Variants in TMX4 observed in about 807,000 individuals in gnomAD.
TMX4 encodes the protein thioredoxin-related transmembrane protein 4.
A neutral mutation model predicts 33.3 loss-of-function variants in TMX4; 23 were observed. The observed-to-expected ratio is 0.69, with a 90% CI of 0.50 to 0.98. TMX4 has a LOEUF of 0.98. Among genes scored for constraint, TMX4 ranks in the 50% least tolerant of loss-of-function variants. TMX4 has a pLI of 0.00. For synonymous variants in TMX4, 164 were observed against 161.5 expected (o/e 1.02, Z -0.12); for missense variants, 399 against 448.9 (o/e 0.89, Z 1.01).
intron 2 of TMX4, among the ~76,000 whole-genome samples, chr20:8,009,112 A>G (rs1453181875): frequency 2.0e-5 from 3 of 152,154 alleles, no homozygotes; most frequent in South Asian, 2.1e-4. Context: ...TTGAATGTCA[A>G]TGAAAAAGAT....
rs2076016 is a variant in TMX4 at position 7,982,060 on chromosome 20, C to A, written c.*191G>T. ...CAACACTACGTTTGTTTTTCTATAT[C>A]CTGATTGTCACACCTGGAAGACTCT... On this transcript the variant is annotated 3_prime_UTR_variant, in exon 8 of 8. Transcript: ENST00000246024. 0.089 allele frequency: 54,236 copies of A among 609,728 alleles called. 6,326 individuals are homozygous for A. Among genetic ancestry groups the A allele is most frequent in the East Asian group, 0.53 (18,580 of 35,288 alleles). 37.8% of individuals were successfully genotyped at this position (609,728 alleles called of 1,614,324 possible).
intron 6 of TMX4, among the ~76,000 whole-genome samples, chr20:7,985,154 G>A (rs545788001): frequency 2.6e-5 from 4 of 151,436 alleles, no homozygotes; most frequent in African/African-American, 7.3e-5. Flanking sequence ...GAAATTAAAG[G>A]TTACTAAAAG....
intron 2 of TMX4, among the ~76,000 whole-genome samples, chr20:8,009,861 T>TAAAAAAAAAAAAAAAAAAAAAAAA (rs11289988): frequency 1.2e-5 from 1 of 84,606 alleles, no homozygotes; most frequent in Admixed American, 1.2e-4. Context: ...CAAAAAACTG[T>TAAAAAAAAAAAAAAAAAAAAAAAA]AAAAAAAAAA....
intron 3 of TMX4, 74 bp downstream of exon 3, chr20:8,001,422 A>T (rs895585701): frequency 3.5e-6 from 5 of 1,443,682 alleles, no homozygotes; most frequent in Non-Finnish European, 4.8e-6. Context: ...CAGTCATGGA[A>T]GACAACTTAG....
In TMX4 at chr20:8,009,962, T is replaced by A. The variant is rs574604680; in HGVS notation, c.292+238A>T. On this transcript the variant is annotated intron_variant, in intron 2 of 7. Transcript: ENST00000246024. ...ATTATCATGATGTCGATAACTTACT[T>A]TCAAATGATTCAGCAAAATAAAAAT... 2.6e-5 allele frequency among the ~76,000 whole-genome samples: 4 copies of A among 151,636 alleles called. No individual in the cohort carries two copies. The South Asian group carries it at 8.3e-4, about 32-fold the overall frequency.
intron 4 of TMX4, among the ~76,000 whole-genome samples, chr20:7,998,978 A>G (rs1363102106): frequency 6.6e-6 from 1 of 152,192 alleles, no homozygotes; most frequent in Non-Finnish European, 1.5e-5. Flanking sequence ...CACCTAGGAA[A>G]GTATCTGGCT....
chr20:7,990,542 C>T (rs1042111018), intron 5 of TMX4, among the ~76,000 whole-genome samples: 3 of 152,142 alleles, frequency 2.0e-5, no homozygotes, highest in African/African-American at 7.2e-5. Context: ...TGAGGTAGAG[C>T]CTTCCCTCCC....
At position 8,008,262 on chromosome 20, in the gene TMX4, T is replaced by C. The variant is rs981043412; in HGVS notation, c.292+1938A>G. On this transcript the variant is annotated intron_variant, in intron 2 of 7. Transcript: ENST00000246024. ...TATCATTTAAAATAATTCTAGAGCC[T>C]CTGCCTATAAAAAATTGTTCAAACA... Among the ~76,000 whole-genome samples, 28 of 152,174 alleles carry C rather than the reference T, an allele frequency of 1.8e-4. 1 individual carries two copies. The highest frequency in any genetic ancestry group is 3.2e-4 in the Non-Finnish European group (22 of 68,008).
chr20:8,019,532 C>A lies in TMX4; in HGVS notation c.82G>T (p.Glu28Ter). ...IAAVAATAGP[E>*]EAALPPEQSR... ...TGCTCCGGCGGCAGCGCGGCCTCCT[C>A]GGGGCCTGCCGTCGCCGCCACAGCC... Residue 28 changes from glutamate (E) to a stop codon, truncating the protein, a stop_gained, in exon 1 of 8, where the codon GAG becomes TAG. Coordinates refer to ENST00000246024, the MANE Select transcript of TMX4 (RefSeq NM_021156.4). LOFTEE classifies it high-confidence loss of function. The A allele has an allele frequency of 6.8e-7, 1 of 1,480,778 alleles. No individual in the cohort carries two copies. 91.7% of individuals were successfully genotyped at this position (1,480,778 alleles called of 1,614,324 possible).
At chr20:7,984,009 G>A (rs1247802360) in intron 6 of TMX4, 152 bp from the exon 7 acceptor site, 2 of 591,122 alleles carry the variant, frequency 3.4e-6, no homozygotes, top group East Asian at 5.7e-5. Context: ...ATATAATTAA[G>A]AATTTCCTAC....
At chr20:8,008,435 C>T (rs1337837836) in intron 2 of TMX4, among the ~76,000 whole-genome samples, 1 of 151,912 alleles carries the variant, frequency 6.6e-6, no homozygotes, top group Non-Finnish European at 1.5e-5. Context: ...AAAAATATTT[C>T]TTAAAATCAA....
intron 1 of TMX4, among the ~76,000 whole-genome samples, chr20:8,010,608 T>TC (rs936686051): frequency 1.3e-5 from 2 of 152,150 alleles, no homozygotes; most frequent in Non-Finnish European, 2.9e-5. Context: ...TATGTTTCTC[T>TC]CCAGATAGCT....
Position 8,001,560 on chromosome 20 carries a change from G to C in TMX4, c.293-19C>G. Reference sequence around the variant, plus strand: ...CTCAAACCTACAAGAAGCATAAACAGAACAAAAGTTACACTTAAGTCCTCC... The same window carrying C: ...CTCAAACCTACAAGAAGCATAAACACAACAAAAGTTACACTTAAGTCCTCC... On this transcript the variant is annotated intron_variant, in intron 2 of 7. Coordinates refer to ENST00000246024, the MANE Select transcript of TMX4 (RefSeq NM_021156.4). 3 of 1,592,046 alleles carry C rather than the reference G, an allele frequency of 1.9e-6. No homozygotes were observed. The highest frequency in any genetic ancestry group is 2.6e-6 in the Non-Finnish European group (3 of 1,166,784).
intron 7 of TMX4, among the ~76,000 whole-genome samples, 161 bp from the exon 8 acceptor site, chr20:7,982,782 C>A (rs1323119941): frequency 1.3e-5 from 2 of 152,154 alleles, no homozygotes; most frequent in Non-Finnish European, 2.9e-5. Context: ...GGCATCCTAG[C>A]CCCATTTAGG....
At chr20:7,993,445 A>C (rs964780349) in intron 5 of TMX4, among the ~76,000 whole-genome samples, 3 of 152,220 alleles carry the variant, frequency 2.0e-5, no homozygotes, top group African/African-American at 7.2e-5. Context: ...TAAATGAGCT[A>C]ACTGAGCAGG....
intron 2 of TMX4, 67 bp downstream of exon 2, chr20:8,010,133 T>G: frequency 7.2e-7 from 1 of 1,392,738 alleles, no homozygotes. Context: ...CTTTTCTATA[T>G]GCTTGAAAAA....
At chr20:7,996,120 AAAAAATG>A in intron 4 of TMX4, 49 bp from the exon 5 acceptor site, 1 of 1,496,224 alleles carries the variant, frequency 6.7e-7, no homozygotes. Flanking sequence ...TACTATAAAA[AAAAAATG>A]AAAATCAGGT....
Position 7,982,536 on chromosome 20 carries a change from T to A in TMX4, c.765A>T (p.Glu255Asp). 6.2e-7 allele frequency: 1 copy of A among 1,613,986 alleles called. No homozygotes were observed. Among genetic ancestry groups the A allele is most frequent in the Non-Finnish European group, 8.5e-7 (1 of 1,179,924 alleles). The change falls in exon 8 of 8, where the codon GAA becomes GAT. Residue 255 changes from glutamate to aspartate, a missense_variant. By Grantham distance (45) the Glu-to-Asp change is conservative. Transcript: ENST00000246024. ...CATCATCTACAAGGCTGTCTTTGTT[T>A]TCTTCTTCATTTGAATCATCTTTTT... ...EEEKDDSNEEENKDSLVDDEE... is the reference protein window; with the variant it reads ...EEEKDDSNEEDNKDSLVDDEE...
chr20:7,985,349 C>G (rs2050626977), intron 6 of TMX4, among the ~76,000 whole-genome samples: 1 of 150,286 alleles, frequency 6.7e-6, no homozygotes. Flanking sequence ...TTATGGCTCA[C>G]AGCAGCCTCG....
Sources: allele counts gnomAD v4.1 joint callset (sites outside exome capture counted in the v4.1 genomes callset), GRCh38; gene constraint gnomAD v4.1.1; transcripts MANE v1.5; gene names NCBI Gene and HGNC (gene_info 2026-07-23, HGNC 2026-07-21).